RALYL: variants seen among roughly 807,000 people sequenced by gnomAD.
RALYL encodes RNA-binding Raly-like protein.
RALYL carries 29 observed loss-of-function variants against 35.1 expected under a neutral mutation model. That is an observed-to-expected ratio of 0.83 (90% CI 0.61 to 1.13). The LOEUF is 1.13. RALYL is among the 50% of genes most tolerant of loss of function. The probability of loss-of-function intolerance (pLI) is 0.00; values close to 1 mark genes in which losing one functional copy is unlikely to be tolerated. For synonymous variants in RALYL, 120 were observed against 127.6 expected (o/e 0.94, Z 0.40); for missense variants, 359 against 360.4 (o/e 1.00, Z 0.03).
At chr8:84,800,237 TTAGAGTCA>T (rs1481983856) in intron 3 of RALYL, among the ~76,000 whole-genome samples, 5 of 152,118 alleles carry the variant, frequency 3.3e-5, no homozygotes, top group Non-Finnish European at 5.9e-5. Context: ...CACATGAACT[TTAGAGTCA>T]GAATGTCTGA....
intron 2 of RALYL, among the ~76,000 whole-genome samples, chr8:84,650,131 T>C (rs1414406005): frequency 1.3e-5 from 2 of 152,140 alleles, no homozygotes; most frequent in Non-Finnish European, 2.9e-5. Flanking sequence ...ACATTGATTT[T>C]GTATCCTGAG....
chr8:84,311,329 T>G (rs1185586922), intron 1 of RALYL, among the ~76,000 whole-genome samples: 2 of 151,912 alleles, frequency 1.3e-5, no homozygotes, highest in Non-Finnish European at 2.9e-5. Context: ...GAGAATGTTT[T>G]CCAGGCATAT....
chr8:84,719,551 G>A (rs1455305334), intron 2 of RALYL, among the ~76,000 whole-genome samples: 7 of 152,124 alleles, frequency 4.6e-5, no homozygotes, highest in African/African-American at 7.2e-5. Flanking sequence ...TACTTTGAAA[G>A]TGCCATGAAA....
chr8:84,607,718 G>C (rs912663363), intron 2 of RALYL, among the ~76,000 whole-genome samples: 1 of 152,040 alleles, frequency 6.6e-6, no homozygotes. Flanking sequence ...TCCTCTATCT[G>C]TATGTCCACT....
chr8:84,548,466 T>A (rs981130976), intron 2 of RALYL, among the ~76,000 whole-genome samples: 5 of 152,202 alleles, frequency 3.3e-5, no homozygotes, highest in Non-Finnish European at 5.9e-5. Context: ...GTTATAATTT[T>A]GTTTTTTTGT....
intron 2 of RALYL, among the ~76,000 whole-genome samples, chr8:84,649,412 AG>A (rs1222507868): frequency 6.6e-6 from 1 of 151,704 alleles, no homozygotes; most frequent in African/African-American, 2.4e-5. Context: ...TTATGGTTTT[AG>A]GTCTAACGTT....
chr8:84,253,302 G>C (rs1830591498), intron 1 of RALYL, among the ~76,000 whole-genome samples: 1 of 142,000 alleles, frequency 7.0e-6, no homozygotes, highest in South Asian at 2.2e-4. Context: ...CTATTCTCCT[G>C]CCTCAGCTTC....
At chr8:84,662,560 C>G (rs929241770) in intron 2 of RALYL, among the ~76,000 whole-genome samples, 1 of 151,772 alleles carries the variant, frequency 6.6e-6, no homozygotes, top group African/African-American at 2.4e-5. Flanking sequence ...CAAAATAATC[C>G]GAGGTTGGAA....
At chr8:84,493,166 T>G (rs1414276068) in intron 1 of RALYL, among the ~76,000 whole-genome samples, 2 of 152,082 alleles carry the variant, frequency 1.3e-5, no homozygotes, top group Non-Finnish European at 1.5e-5. Flanking sequence ...GAAAATGTGG[T>G]GTTTGGTTTT....
At chr8:84,674,591 A>T (rs1183709179) in intron 2 of RALYL, among the ~76,000 whole-genome samples, 1 of 152,180 alleles carries the variant, frequency 6.6e-6, no homozygotes, top group African/African-American at 2.4e-5. Flanking sequence ...AAAGGCCAAG[A>T]TGTACACTCT....
chr8:84,775,978 T>C (rs921783823), intron 3 of RALYL, among the ~76,000 whole-genome samples: 2 of 152,202 alleles, frequency 1.3e-5, no homozygotes, highest in Non-Finnish European at 2.9e-5. Context: ...TCCTATTTAT[T>C]TGGTTTTCTC....
intron 2 of RALYL, among the ~76,000 whole-genome samples, chr8:84,554,473 A>G (rs1360970378): frequency 6.6e-6 from 1 of 152,222 alleles, no homozygotes; most frequent in Non-Finnish European, 1.5e-5. Context: ...GTATTTTCAA[A>G]TGAATAATCC....
At chr8:84,790,652 G>T (rs1273284272) in intron 3 of RALYL, among the ~76,000 whole-genome samples, 4 of 152,112 alleles carry the variant, frequency 2.6e-5, no homozygotes, top group Admixed American at 1.3e-4. Context: ...AAATGTAAAA[G>T]AATTTAATTG....
In RALYL at chr8:84,374,485, C is replaced by T. The variant is rs115023109; in HGVS notation, c.-23-154814C>T. ...ATGGAATCAGCCTAATTCTCACCAA[C>T]GACAGATTGGATAAAGAATATGTGG... is the stretch of plus-strand genomic sequence containing the variant. On this transcript the variant is annotated intron_variant, in intron 1 of 8. Transcript: ENST00000521268. Among the ~76,000 whole-genome samples the T allele has an allele frequency of 5.6e-3, 844 of 151,946 alleles. 10 individuals are homozygous for T. Among genetic ancestry groups the T allele is most frequent in the African/African-American group, 0.019 (772 of 41,470 alleles).
intron 2 of RALYL, among the ~76,000 whole-genome samples, chr8:84,674,250 C>T (rs10102417): frequency 0.052 from 7,909 of 152,192 alleles, 462 homozygotes; most frequent in African/African-American, 0.14. Flanking sequence ...GCTGAAGTTG[C>T]TTATTAGCTT....
At chr8:84,794,773 T>C (rs1821534791) in intron 3 of RALYL, among the ~76,000 whole-genome samples, 1 of 152,200 alleles carries the variant, frequency 6.6e-6, no homozygotes, top group Non-Finnish European at 1.5e-5. Context: ...CTGCCAGTGG[T>C]TAATGATCTT....
chr8:84,205,061 G>A (rs1242110140), intron 1 of RALYL, among the ~76,000 whole-genome samples: 1 of 152,238 alleles, frequency 6.6e-6, no homozygotes, highest in South Asian at 2.1e-4. Flanking sequence ...TGACCCACTA[G>A]ATTATTCTCA....
intron 1 of RALYL, among the ~76,000 whole-genome samples, chr8:84,361,494 C>T (rs533236501): frequency 2.0e-5 from 3 of 152,242 alleles, no homozygotes; most frequent in South Asian, 4.1e-4. Flanking sequence ...GATGGGGTGG[C>T]TACATCAGAG....
chr8:84,230,754 C>G (rs538153007), intron 1 of RALYL, among the ~76,000 whole-genome samples: 3 of 152,314 alleles, frequency 2.0e-5, no homozygotes, highest in Admixed American at 1.3e-4. Context: ...TACATTTTCT[C>G]ACTTAATTCT....
Sources: gnomAD v4.1 joint callset for allele counts (sites outside exome capture counted in the v4.1 genomes callset) on GRCh38, gnomAD v4.1.1 for gene constraint, MANE v1.5 for transcripts, NCBI Gene and HGNC (gene_info 2026-07-23, HGNC 2026-07-21) for gene names.